Variants in AGAP1 observed in about 807,000 individuals in gnomAD.
AGAP1 encodes the protein ArfGAP with GTPase domain, ankyrin repeat and PH domain 1.
In AGAP1, 29 loss-of-function variants were observed where a neutral mutation model predicts 105.3. The ratio of observed to expected loss-of-function variants is 0.28; its 90% confidence interval spans 0.21 to 0.38. The LOEUF is 0.38. Ranked by LOEUF, AGAP1 falls within the 10% of genes least tolerant of loss-of-function variation. The pLI is 1.00. For synonymous variants in AGAP1, 509 were observed against 485.9 expected, an observed-to-expected ratio of 1.05 and a Z score of -0.63; for missense variants, 998 against 1,165.1, an observed-to-expected ratio of 0.86 and a Z score of 2.09.
At chr2:235,773,545 A>T (rs1369900502) in intron 6 of AGAP1, among the ~76,000 whole-genome samples, 3 of 152,182 alleles carry the variant, frequency 2.0e-5, no homozygotes, top group African/African-American at 7.2e-5. Flanking sequence ...TTTGTTACTT[A>T]GGTGTGGAAA....
At chr2:235,991,117 AT>A (rs988824307) in intron 13 of AGAP1, among the ~76,000 whole-genome samples, 6 of 152,204 alleles carry the variant, frequency 3.9e-5, no homozygotes, top group African/African-American at 1.4e-4. Flanking sequence ...CTATATGCTT[AT>A]GTTCTACTGT....
In AGAP1 at chr2:236,129,238, C is replaced by A. The variant is rs548058378; in HGVS notation, c.*5116C>A. On this transcript the variant is annotated 3_prime_UTR_variant, in exon 18 of 18. Transcript: ENST00000304032. This position sits in a 1 kb window ranked among gnomAD's most constrained non-coding sequence, Gnocchi z 6.2. Reference sequence around the variant, plus strand: ...CCCATGCCCCCAGGCCAGGCCAGCACGCTCAGGTGATAGCGAGTGGGGCCA... The same window carrying A: ...CCCATGCCCCCAGGCCAGGCCAGCAAGCTCAGGTGATAGCGAGTGGGGCCA... 6.6e-6 allele frequency: 1 copy of A among 152,330 alleles called. No homozygotes were observed. Among genetic ancestry groups the A allele is most frequent in the Non-Finnish European group, 1.5e-5 (1 of 68,124 alleles). The allele number at this position is 152,330 out of a possible 1,614,324, so 9.4% of individuals were successfully genotyped here.
intron 13 of AGAP1, among the ~76,000 whole-genome samples, chr2:236,011,037 G>A (rs918429895): frequency 2.6e-5 from 4 of 152,140 alleles, no homozygotes; most frequent in Non-Finnish European, 5.9e-5. Flanking sequence ...AACAGTGCAA[G>A]ACTCCATCTC....
At chr2:235,658,387 A>G (rs1947841052) in intron 1 of AGAP1, among the ~76,000 whole-genome samples, 1 of 152,224 alleles carries the variant, frequency 6.6e-6, no homozygotes, top group Non-Finnish European at 1.5e-5. Context: ...AGGCCTTTGT[A>G]CTGCTCTAAT....
chr2:236,122,477 G>A (rs888909668), intron 17 of AGAP1, among the ~76,000 whole-genome samples: 1 of 152,150 alleles, frequency 6.6e-6, no homozygotes, highest in African/African-American at 2.4e-5. Context: ...CCATGCTGTT[G>A]AGTGGCCTCA....
intron 1 of AGAP1, among the ~76,000 whole-genome samples, chr2:235,661,244 CT>C (rs1338321289): frequency 1.3e-5 from 2 of 151,860 alleles, no homozygotes; most frequent in African/African-American, 4.8e-5. Flanking sequence ...GGAGGAGAGG[CT>C]TTTGTTGAGG....
chr2:235,775,301 G>A (rs1272253155), intron 6 of AGAP1, among the ~76,000 whole-genome samples: 1 of 152,196 alleles, frequency 6.6e-6, no homozygotes, highest in Non-Finnish European at 1.5e-5. Context: ...CATCGGTATA[G>A]CCTGTGTTTG....
Position 235,712,991 on chromosome 2 carries a change from T to A in AGAP1, c.222+3754T>A. Among the ~76,000 whole-genome samples the A allele has an allele frequency of 6.6e-6, 1 of 152,224 alleles. No homozygotes were observed. Among genetic ancestry groups the A allele is most frequent in the East Asian group, 1.9e-4 (1 of 5,200 alleles). On this transcript the variant is annotated intron_variant, in intron 2 of 17. Transcript: ENST00000304032. The surrounding 1 kb of genome is among the most constrained non-coding windows in gnomAD (Gnocchi z 6.0). ...CATCGTGTGTGACTGAGGTGGTCTG[T>A]GAGATGGCTGTTCCAGCCAAACCAA...
chr2:235,832,645 C>G (rs558685433), intron 9 of AGAP1, among the ~76,000 whole-genome samples: 2 of 152,356 alleles, frequency 1.3e-5, no homozygotes, highest in East Asian at 3.9e-4. Flanking sequence ...AATGATAATT[C>G]TCCCCATCCT....
intron 9 of AGAP1, among the ~76,000 whole-genome samples, chr2:235,854,978 T>G (rs1403846873): frequency 6.6e-6 from 1 of 152,210 alleles, no homozygotes; most frequent in Non-Finnish European, 1.5e-5. Context: ...GGGAGGGTGC[T>G]TCAGAGGAGG....
At chr2:235,529,066 A>G (rs1942952856) in intron 1 of AGAP1, among the ~76,000 whole-genome samples, 1 of 152,180 alleles carries the variant, frequency 6.6e-6, no homozygotes, top group African/African-American at 2.4e-5. Flanking sequence ...GAGCCACAAA[A>G]CACCACGTCC....
At chr2:235,539,946 C>A (rs1401611261) in intron 1 of AGAP1, among the ~76,000 whole-genome samples, 1 of 152,132 alleles carries the variant, frequency 6.6e-6, no homozygotes, top group African/African-American at 2.4e-5. Context: ...GGTCATCCAC[C>A]GCGGTCCTCC....
intron 6 of AGAP1, among the ~76,000 whole-genome samples, chr2:235,783,972 G>T (rs950786551): frequency 6.7e-5 from 6 of 89,502 alleles, no homozygotes; most frequent in Admixed American, 1.7e-4. Context: ...ATGGACGGAC[G>T]GACGGACGGA....
rs1395610373 is a variant in AGAP1 at position 235,535,775 on chromosome 2, A to C, written c.163+40926A>C. Among the ~76,000 whole-genome samples the C allele has an allele frequency of 6.6e-6, 1 of 152,050 alleles. No homozygotes were observed. Among genetic ancestry groups the C allele is most frequent in the African/African-American group, 2.4e-5 (1 of 41,406 alleles). ...CCTAATAAGTGAGCGTGTGACATGCAGTGGGCTCAGTCTCTGCATAGCCCG... is the reference window on the plus strand; with the variant it reads ...CCTAATAAGTGAGCGTGTGACATGCCGTGGGCTCAGTCTCTGCATAGCCCG... On this transcript the variant is annotated intron_variant, in intron 1 of 17. Coordinates refer to ENST00000304032, the MANE Select transcript of AGAP1 (RefSeq NM_001037131.3). This position sits in a 1 kb window ranked among gnomAD's most constrained non-coding sequence, Gnocchi z 5.1.
intron 1 of AGAP1, among the ~76,000 whole-genome samples, chr2:235,641,141 G>C (rs911319303): frequency 6.6e-6 from 1 of 151,988 alleles, no homozygotes; most frequent in Non-Finnish European, 1.5e-5. Context: ...CTGCCCACCA[G>C]CCAATTACAG....
At chr2:235,825,760 C>G (rs1427384466) in intron 9 of AGAP1, among the ~76,000 whole-genome samples, 1 of 152,184 alleles carries the variant, frequency 6.6e-6, no homozygotes, top group Non-Finnish European at 1.5e-5. Flanking sequence ...AAAACCCTCT[C>G]TAGGTCCAAA....
intron 5 of AGAP1, among the ~76,000 whole-genome samples, chr2:235,745,344 C>T (rs563126053): frequency 1.3e-4 from 20 of 152,090 alleles, no homozygotes; most frequent in Non-Finnish European, 2.4e-4. Flanking sequence ...TCTGACAGGC[C>T]CCTCAGACAG....
rs1477522953 is a variant in AGAP1 at position 235,689,255 on chromosome 2, C to G, written c.164-19924C>G. Among the ~76,000 whole-genome samples, 2 of 152,146 alleles carry G rather than the reference C, an allele frequency of 1.3e-5. No individual in the cohort carries two copies. The highest frequency in any genetic ancestry group is 3.9e-4 in the East Asian group (2 of 5,166). ...TCGCTAGCACCGAGATGGTTCAGGG[C>G]ACTTTGGAGCTAGAGCAAGAGCAAT... On this transcript the variant is annotated intron_variant, in intron 1 of 17. Coordinates refer to ENST00000304032, the MANE Select transcript of AGAP1 (RefSeq NM_001037131.3). The surrounding 1 kb of genome is among the most constrained non-coding windows in gnomAD (Gnocchi z 4.2).
At chr2:236,110,406 A>AG (rs3030775) in intron 16 of AGAP1, among the ~76,000 whole-genome samples, 2 of 151,512 alleles carry the variant, frequency 1.3e-5, no homozygotes, top group East Asian at 3.9e-4. Context: ...AAAAAAAAAA[A>AG]TTGAAAATTA....
Sources: gnomAD v4.1 joint callset for allele counts (sites outside exome capture counted in the v4.1 genomes callset) on GRCh38, gnomAD v4.1.1 for gene constraint, Gnocchi (gnomAD v3.1) non-coding constraint, MANE v1.5 for transcripts, NCBI Gene and HGNC (gene_info 2026-07-23, HGNC 2026-07-21) for gene names.